Variants in EXOC6 observed in about 807,000 individuals in gnomAD.
The protein encoded by EXOC6 is exocyst complex component 6, also known as SEC15-like 1.
In EXOC6, 60 loss-of-function variants were observed where a neutral mutation model predicts 112.5. That is an observed-to-expected ratio of 0.53 (90% confidence interval 0.43 to 0.66). The LOEUF (loss-of-function observed/expected upper bound fraction) is 0.66, where lower values mean the gene tolerates loss of function less well. EXOC6 is among the 30% of genes least tolerant of loss of function. The pLI, the probability that EXOC6 is intolerant of heterozygous loss-of-function variation, is 0.00. For missense variants in EXOC6, 855 were observed against 957.1 expected (o/e 0.89, Z 1.41); for synonymous variants, 295 against 308.0 (o/e 0.96, Z 0.44).
chr10:92,901,163 T>A (rs1290898598), intron 5 of EXOC6: 1 of 152,236 alleles, frequency 6.6e-6, no homozygotes, highest in African/African-American at 2.4e-5. Flanking sequence ...TATGCTAAAT[T>A]TGATCATTTG....
chr10:92,878,913 A>C lies in EXOC6; in HGVS notation c.102-14436A>C, dbSNP rs116818184. On this transcript the variant is annotated intron_variant, in intron 1 of 21. Transcript: ENST00000260762. Reference sequence around the variant, plus strand: ...ATCACTTTTTTCCAAAGAAATCAACAAACTGAGGCCACTTGTTAAAAAAGG... The same window carrying C: ...ATCACTTTTTTCCAAAGAAATCAACCAACTGAGGCCACTTGTTAAAAAAGG... 5.5e-3 allele frequency among the ~76,000 whole-genome samples: 840 copies of C among 152,328 alleles called. 6 individuals carry two copies. The highest frequency in any genetic ancestry group is 0.019 in the African/African-American group (795 of 41,572).
chr10:93,049,771 G>T (rs1026776725), intron 20 of EXOC6, among the ~76,000 whole-genome samples: 3 of 152,102 alleles, frequency 2.0e-5, no homozygotes, highest in Admixed American at 6.5e-5. Flanking sequence ...TCGAAACAGG[G>T]TCTCACCGTG....
intron 19 of EXOC6, among the ~76,000 whole-genome samples, chr10:93,003,838 A>C (rs1316592514): frequency 1.3e-5 from 2 of 152,156 alleles, no homozygotes; most frequent in South Asian, 4.1e-4. Flanking sequence ...AAAAATTGAG[A>C]TGGATAAGAT....
At chr10:92,911,865 G>T (rs1480192374) in intron 6 of EXOC6, among the ~76,000 whole-genome samples, 2 of 149,490 alleles carry the variant, frequency 1.3e-5, no homozygotes, top group Non-Finnish European at 3.0e-5. Context: ...TTCTGTCTTG[G>T]TATCCCTTCA....
At chr10:93,017,132 A>C (rs1023030874) in intron 20 of EXOC6, among the ~76,000 whole-genome samples, 1 of 151,942 alleles carries the variant, frequency 6.6e-6, no homozygotes, top group Non-Finnish European at 1.5e-5. Context: ...TGGCTATTCT[A>C]AGTCTTTTGT....
intron 19 of EXOC6, among the ~76,000 whole-genome samples, chr10:93,011,825 G>A (rs1260317491): frequency 1.3e-5 from 2 of 152,092 alleles, no homozygotes; most frequent in Non-Finnish European, 2.9e-5. Context: ...TGATACCACT[G>A]TATGAAAGTA....
In EXOC6 at chr10:92,962,806, A is replaced by G. The variant is rs139440496; in HGVS notation, c.1773+7092A>G. Among the ~76,000 whole-genome samples, 666 of 152,300 alleles carry G rather than the reference A, an allele frequency of 4.4e-3. 3 individuals are homozygous for G. The highest frequency in any genetic ancestry group is 9.1e-3 in the South Asian group (44 of 4,824). ...CAGATAACTACAAACAAATAACAAC[A>G]GTGTGTAATAGTAGATGAATTTGGT... On this transcript the variant is annotated intron_variant, in intron 17 of 21. Transcript: ENST00000260762.
At chr10:92,846,949 A>G (rs146983030), upstream of EXOC6, among the ~76,000 whole-genome samples, 13 of 152,342 alleles carry the variant, frequency 8.5e-5, no homozygotes, top group Non-Finnish European at 1.8e-4. Flanking sequence ...GTGACCACAG[A>G]AGAATGGTCA....
chr10:92,932,053 T>A (rs531315784), intron 9 of EXOC6, among the ~76,000 whole-genome samples: 1 of 152,274 alleles, frequency 6.6e-6, no homozygotes, highest in South Asian at 2.1e-4. Flanking sequence ...AACTAGTGAA[T>A]AAATTGTGGT....
intron 14 of EXOC6, among the ~76,000 whole-genome samples, chr10:92,950,645 C>A (rs946362839): frequency 6.6e-6 from 1 of 152,082 alleles, no homozygotes; most frequent in African/African-American, 2.4e-5. Flanking sequence ...AGATGAAGTA[C>A]AAGAGATGAA....
chr10:92,834,248 G>C (rs1461756100), upstream of EXOC6, among the ~76,000 whole-genome samples: 1 of 152,052 alleles, frequency 6.6e-6, no homozygotes, highest in Non-Finnish European at 1.5e-5. Flanking sequence ...ACCTCCTTGG[G>C]TTTGTGGGCA....
At chr10:93,027,095 C>T (rs909926845) in intron 20 of EXOC6, among the ~76,000 whole-genome samples, 3 of 152,188 alleles carry the variant, frequency 2.0e-5, no homozygotes, top group Admixed American at 1.3e-4. Flanking sequence ...AAAATAGCCT[C>T]ATTGCTGATA....
intron 19 of EXOC6, among the ~76,000 whole-genome samples, chr10:93,012,176 A>G (rs1340122535): frequency 6.6e-6 from 1 of 152,140 alleles, no homozygotes; most frequent in Non-Finnish European, 1.5e-5. Context: ...CTTAGGTTGT[A>G]TTTGCTCTTA....
intron 17 of EXOC6, among the ~76,000 whole-genome samples, chr10:92,962,691 C>G (rs1854077255): frequency 6.6e-6 from 1 of 152,174 alleles, no homozygotes; most frequent in Admixed American, 6.5e-5. Context: ...CTGTCAGGCC[C>G]TAAAGTGCAT....
chr10:92,877,416 C>T (rs767132121), intron 1 of EXOC6, among the ~76,000 whole-genome samples: 7 of 152,108 alleles, frequency 4.6e-5, no homozygotes, highest in Admixed American at 3.3e-4. Context: ...CTTTGAGCCT[C>T]ATTTTCCTCA....
chr10:92,856,045 A>C (rs1470260044), intron 1 of EXOC6, among the ~76,000 whole-genome samples: 1 of 151,756 alleles, frequency 6.6e-6, no homozygotes, highest in Non-Finnish European at 1.5e-5. Flanking sequence ...TTATATTTTT[A>C]GTAGAGATAG....
intron 1 of EXOC6, among the ~76,000 whole-genome samples, chr10:92,882,173 T>A (rs1848997823): frequency 6.6e-6 from 1 of 152,180 alleles, no homozygotes; most frequent in African/African-American, 2.4e-5. Context: ...TATTTCATAT[T>A]GCTAACTAAC....
chr10:92,836,933 A>G (rs1205106642), intron 1 of EXOC6, among the ~76,000 whole-genome samples: 4 of 152,106 alleles, frequency 2.6e-5, no homozygotes, highest in African/African-American at 4.8e-5. Context: ...TCTGCCTGCT[A>G]AAACCCAATG....
At chr10:92,846,011 TAA>T (rs1847041406), upstream of EXOC6, among the ~76,000 whole-genome samples, 1 of 152,182 alleles carries the variant, frequency 6.6e-6, no homozygotes, top group Admixed American at 6.5e-5. Flanking sequence ...AATTCTTAGC[TAA>T]AACCTCCAGG....
Sources: gnomAD v4.1 joint callset for allele counts (sites outside exome capture counted in the v4.1 genomes callset) on GRCh38, gnomAD v4.1.1 for gene constraint, MANE v1.5 for transcripts, NCBI Gene and HGNC (gene_info 2026-07-23, HGNC 2026-07-21) for gene names.